Variants in DAB1 observed in about 807,000 individuals in gnomAD.
The protein encoded by DAB1 is disabled homolog 1.
A neutral mutation model predicts 64.6 loss-of-function variants in DAB1; 15 were observed. The observed-to-expected ratio is 0.23, with a 90% CI of 0.16 to 0.36. The LOEUF (loss-of-function observed/expected upper bound fraction) is 0.36, where lower values mean the gene tolerates loss of function less well. Ranked by LOEUF, DAB1 falls within the 10% of genes least tolerant of loss-of-function variation. The pLI is 1.00. For missense variants in DAB1, 596 were observed against 706.7 expected, an observed-to-expected ratio of 0.84 and a Z score of 1.78; for synonymous variants, 235 against 251.9, an observed-to-expected ratio of 0.93 and a Z score of 0.64.
intron 8 of DAB1, among the ~76,000 whole-genome samples, chr1:57,065,905 T>G (rs940901979): frequency 2.0e-5 from 3 of 152,112 alleles, no homozygotes; most frequent in African/African-American, 7.2e-5. Context: ...GCCAGACGCA[T>G]GTGATTTCCC....
intron 7 of DAB1, among the ~76,000 whole-genome samples, chr1:57,509,325 C>T (rs888687613): frequency 6.6e-6 from 1 of 152,100 alleles, no homozygotes; most frequent in African/African-American, 2.4e-5. Flanking sequence ...AGCAAACATG[C>T]ATTGTGGACC....
At chr1:57,004,695 A>G (rs1646000365) in intron 14 of DAB1, among the ~76,000 whole-genome samples, 2 of 152,186 alleles carry the variant, frequency 1.3e-5, no homozygotes, top group South Asian at 4.1e-4. Context: ...TTGACAAATG[A>G]AAAAGGTATT....
At position 58,267,000 on chromosome 1, in the gene DAB1, A is replaced by C. The variant is rs569751018; in HGVS notation, n.309+76352T>G. On this transcript the variant is annotated intron_variant and non_coding_transcript_variant, in intron 4 of 20. Transcript: ENST00000485760. ...TTTGGGAGGCTGAGGCAGGTGGATCACCTGAAGTCAGGAGTTCGAGAACAG... is the reference window on the plus strand; with the variant it reads ...TTTGGGAGGCTGAGGCAGGTGGATCCCCTGAAGTCAGGAGTTCGAGAACAG... Among the ~76,000 whole-genome samples the C allele has an allele frequency of 6.2e-4, 95 of 152,282 alleles. 1 individual carries two copies. Among genetic ancestry groups the C allele is most frequent in the Non-Finnish European group, 2.4e-4 (16 of 68,022 alleles).
At chr1:57,960,310 T>C (rs1237219494) in intron 5 of DAB1, among the ~76,000 whole-genome samples, 1 of 152,164 alleles carries the variant, frequency 6.6e-6, no homozygotes, top group Non-Finnish European at 1.5e-5. Flanking sequence ...GAGCCCAAAA[T>C]TTCTCTCCTG....
At chr1:58,094,995 T>G (rs1650894657) in intron 5 of DAB1, among the ~76,000 whole-genome samples, 1 of 152,204 alleles carries the variant, frequency 6.6e-6, no homozygotes, top group Non-Finnish European at 1.5e-5. Context: ...TTTAGGTTTT[T>G]GGGACCTTAC....
chr1:57,755,474 G>T (rs1210713349), intron 6 of DAB1, among the ~76,000 whole-genome samples: 1 of 152,146 alleles, frequency 6.6e-6, no homozygotes, highest in African/African-American at 2.4e-5. Context: ...AACAAAATTG[G>T]TCGATCCCAC....
chr1:58,154,479 CAT>C (rs1655116507), intron 4 of DAB1, among the ~76,000 whole-genome samples: 3 of 151,876 alleles, frequency 2.0e-5, no homozygotes, highest in African/African-American at 7.3e-5. Context: ...TTCATTCATT[CAT>C]TCATTAGCAA....
intron 1 of DAB1, among the ~76,000 whole-genome samples, chr1:57,335,903 T>C (rs1558189063): frequency 6.6e-6 from 1 of 152,172 alleles, no homozygotes; most frequent in Non-Finnish European, 1.5e-5. Context: ...CACAGAAAAA[T>C]ATGGAACCAC....
chr1:58,251,461 T>C lies in DAB1; in HGVS notation n.309+91891A>G, dbSNP rs1044811209. Among the ~76,000 whole-genome samples the C allele has an allele frequency of 4.1e-4, 62 of 152,102 alleles. 2 individuals carry two copies. ...GACATGTGATAGAAAATGACTAGGG[T>C]AGGACATCAGGCTGGGCATTTGGGA... On this transcript the variant is annotated intron_variant and non_coding_transcript_variant, in intron 4 of 20. Transcript: ENST00000485760.
At chr1:57,001,585 C>T (rs1645869674) in intron 14 of DAB1, among the ~76,000 whole-genome samples, 1 of 152,144 alleles carries the variant, frequency 6.6e-6, no homozygotes. Flanking sequence ...AACAGCCCTC[C>T]TGGCTCCTTG....
chr1:57,003,655 A>G (rs1645954694), intron 14 of DAB1, among the ~76,000 whole-genome samples: 1 of 152,042 alleles, frequency 6.6e-6, no homozygotes, highest in South Asian at 2.1e-4. Flanking sequence ...TCATCACCCC[A>G]AACAGAAACT....
chr1:57,701,965 T>C (rs1646913480), intron 6 of DAB1, among the ~76,000 whole-genome samples: 1 of 152,194 alleles, frequency 6.6e-6, no homozygotes, highest in Non-Finnish European at 1.5e-5. Flanking sequence ...ATTCTTGATC[T>C]GAGAGCTTAC....
chr1:57,900,324 A>G (rs1240994372), intron 5 of DAB1, among the ~76,000 whole-genome samples: 1 of 152,158 alleles, frequency 6.6e-6, no homozygotes, highest in Non-Finnish European at 1.5e-5. Context: ...TATTGGGTGG[A>G]CCCAGGAGAG....
chr1:57,729,679 C>T (rs1647326503), intron 6 of DAB1, among the ~76,000 whole-genome samples: 2 of 152,212 alleles, frequency 1.3e-5, no homozygotes, highest in African/African-American at 2.4e-5. Context: ...TGATTTATCC[C>T]TGCCTGTATT....
intron 9 of DAB1, among the ~76,000 whole-genome samples, chr1:57,050,102 G>T (rs1302258490): frequency 2.0e-5 from 3 of 152,016 alleles, no homozygotes; most frequent in Admixed American, 2.0e-4. Context: ...TATTAATCTG[G>T]GTTGCCCTGC....
intron 7 of DAB1, among the ~76,000 whole-genome samples, chr1:57,640,118 T>C (rs1224222052): frequency 6.6e-6 from 1 of 152,158 alleles, no homozygotes; most frequent in Non-Finnish European, 1.5e-5. Context: ...TCTCGTGTAT[T>C]ACAGGTTTGC....
chr1:57,983,055 C>T (rs1056405084), intron 5 of DAB1, among the ~76,000 whole-genome samples: 1 of 152,200 alleles, frequency 6.6e-6, no homozygotes, highest in Non-Finnish European at 1.5e-5. Context: ...CCTGCTCTTA[C>T]AGTGTACGGT....
chr1:58,259,905 A>G (rs1369057720), intron 4 of DAB1, among the ~76,000 whole-genome samples: 4 of 152,248 alleles, frequency 2.6e-5, no homozygotes. Flanking sequence ...CTAAGGACCA[A>G]GCATTGCTTT....
At chr1:58,235,819 T>C (rs1416769723) in intron 4 of DAB1, among the ~76,000 whole-genome samples, 5 of 152,128 alleles carry the variant, frequency 3.3e-5, no homozygotes, top group Non-Finnish European at 5.9e-5. Flanking sequence ...GTGACTGCAG[T>C]CTGGAGAGAA....
Sources: allele counts gnomAD v4.1 joint callset (sites outside exome capture counted in the v4.1 genomes callset), GRCh38; gene constraint gnomAD v4.1.1; transcripts MANE v1.5; gene names NCBI Gene and HGNC (gene_info 2026-07-23, HGNC 2026-07-21).